Variants in GLIPR1L1 observed in about 807,000 individuals in gnomAD.
GLIPR1L1 encodes GLIPR1-like protein 1.
In GLIPR1L1, 26 loss-of-function variants were observed where a neutral mutation model predicts 29.9. The observed-to-expected ratio is 0.87, with a 90% confidence interval of 0.64 to 1.21. GLIPR1L1 has a LOEUF of 1.21. GLIPR1L1 is among the 50% of genes most tolerant of loss of function. GLIPR1L1 has a pLI of 0.00. For missense variants in GLIPR1L1, 305 were observed against 290.3 expected (o/e 1.05, Z -0.37); for synonymous variants, 77 against 97.5 (o/e 0.79, Z 1.24).
At chr12:75,348,362 A>G (rs180753644) in intron 3 of GLIPR1L1, among the ~76,000 whole-genome samples, 1 of 152,346 alleles carries the variant, frequency 6.6e-6, no homozygotes, top group East Asian at 1.9e-4. Context: ...AGGAGCTGAG[A>G]TATGCCAAAA....
chr12:75,345,438 G>A (rs1485125009), intron 2 of GLIPR1L1, among the ~76,000 whole-genome samples: 1 of 151,926 alleles, frequency 6.6e-6, no homozygotes, highest in East Asian at 1.9e-4. Context: ...TGAGCCCCTA[G>A]GAAAGCCTGT....
At chr12:75,351,641 G>C (rs146508437) in intron 3 of GLIPR1L1, among the ~76,000 whole-genome samples, 307 of 151,658 alleles carry the variant, frequency 2.0e-3, no homozygotes, top group East Asian at 5.0e-3. Flanking sequence ...CCACCTCCCA[G>C]GTTCAAGTGA....
intron 4 of GLIPR1L1, 100 bp from the exon 5 acceptor site, chr12:75,369,860 T>C: frequency 7.5e-7 from 1 of 1,333,676 alleles, no homozygotes; most frequent in Non-Finnish European, 9.6e-7. Context: ...CAAACTAATT[T>C]TTGTTAGTTG....
At chr12:75,360,926 A>G (rs908193664) in intron 3 of GLIPR1L1, 9 of 152,284 alleles carry the variant, frequency 5.9e-5, no homozygotes, top group Admixed American at 5.9e-4. Context: ...CTGTGTACCC[A>G]CAGGCCCAAC....
chr12:75,358,131 G>A (rs1054778260), intron 3 of GLIPR1L1, among the ~76,000 whole-genome samples: 1 of 151,302 alleles, frequency 6.6e-6, no homozygotes, highest in Non-Finnish European at 1.5e-5. Flanking sequence ...AAAATAATAT[G>A]AGAACATAGG....
chr12:75,366,530 GC>G (rs2043972822), intron 4 of GLIPR1L1, among the ~76,000 whole-genome samples: 2 of 152,102 alleles, frequency 1.3e-5, no homozygotes, highest in African/African-American at 4.8e-5. Flanking sequence ...AACCTGGCAT[GC>G]CCTCAAACTT....
chr12:75,348,396 G>A (rs2139406103), intron 3 of GLIPR1L1, among the ~76,000 whole-genome samples: 1 of 152,300 alleles, frequency 6.6e-6, no homozygotes, highest in African/African-American at 2.4e-5. Flanking sequence ...GCAGAAATGT[G>A]TATATATCTC....
chr12:75,342,220 C>T (rs2042169402), intron 1 of GLIPR1L1, among the ~76,000 whole-genome samples: 1 of 152,068 alleles, frequency 6.6e-6, no homozygotes, highest in Non-Finnish European at 1.5e-5. Flanking sequence ...GTGATTACTT[C>T]AATTTATACA....
intron 1 of GLIPR1L1, among the ~76,000 whole-genome samples, chr12:75,342,001 C>A (rs978760169): frequency 3.3e-5 from 5 of 152,102 alleles, no homozygotes; most frequent in Admixed American, 3.3e-4. Context: ...CCTTGGCCTC[C>A]CAAAGTGCTG....
chr12:75,339,150 T>C (rs549796299), intron 1 of GLIPR1L1, among the ~76,000 whole-genome samples: 1 of 152,360 alleles, frequency 6.6e-6, no homozygotes, highest in Admixed American at 6.5e-5. Context: ...ATGGTATTTC[T>C]GACTCTAGAT....
chr12:75,359,670 T>C (rs764597780), intron 3 of GLIPR1L1, among the ~76,000 whole-genome samples: 22 of 152,056 alleles, frequency 1.4e-4, no homozygotes, highest in Admixed American at 3.3e-4. Flanking sequence ...AGATCAGAAA[T>C]AGACTCACAC....
chr12:75,367,188 T>C (rs2044027836), intron 4 of GLIPR1L1, among the ~76,000 whole-genome samples: 1 of 150,560 alleles, frequency 6.6e-6, no homozygotes, highest in African/African-American at 2.4e-5. Flanking sequence ...TCCTTGGCTT[T>C]AGAAAATGGC....
intron 2 of GLIPR1L1, among the ~76,000 whole-genome samples, chr12:75,346,403 T>C (rs1046302835): frequency 1.3e-5 from 2 of 152,164 alleles, no homozygotes; most frequent in Admixed American, 6.5e-5. Flanking sequence ...CTCTTTTTTT[T>C]TTTTTGAGAC....
At chr12:75,355,291 A>G (rs1313366329) in intron 3 of GLIPR1L1, among the ~76,000 whole-genome samples, 2 of 151,628 alleles carry the variant, frequency 1.3e-5, no homozygotes, top group East Asian at 3.9e-4. Context: ...AAAACAAAAA[A>G]TCATTCAAAA....
At chr12:75,346,376 G>A (rs978545866) in intron 2 of GLIPR1L1, among the ~76,000 whole-genome samples, 1 of 152,002 alleles carries the variant, frequency 6.6e-6, no homozygotes, top group Non-Finnish European at 1.5e-5. Context: ...AAACCACAAA[G>A]ATGGCTGAAA....
Position 75,334,805 on chromosome 12 carries a change from C to T in GLIPR1L1, c.77C>T (p.Pro26Leu), listed in dbSNP as rs371527041. 1.2e-6 allele frequency: 2 copies of T among 1,613,980 alleles called. No homozygotes were observed. The highest frequency in any genetic ancestry group is 2.7e-5 in the African/African-American group (2 of 74,906). ...CLVATTSSKI[P>L]SITDPHFIDN... Reference sequence around the variant, plus strand: ...GTAGCCACTACATCTTCCAAAATCCCATCCATCACTGACCCACACTTTATA... The same window carrying T: ...GTAGCCACTACATCTTCCAAAATCCTATCCATCACTGACCCACACTTTATA... The change falls in exon 1 of 6, where the codon CCA becomes CTA. Residue 26 changes from proline (P) to leucine (L), a missense_variant. Coordinates refer to ENST00000378695, the MANE Select transcript of GLIPR1L1 (RefSeq NM_001304964.2).
At chr12:75,355,567 T>C (rs2043102146) in intron 3 of GLIPR1L1, among the ~76,000 whole-genome samples, 1 of 152,202 alleles carries the variant, frequency 6.6e-6, no homozygotes, top group South Asian at 2.1e-4. Context: ...GAAGACACTA[T>C]GGTAATTCCT....
chr12:75,349,535 T>C (rs899234904), intron 3 of GLIPR1L1, among the ~76,000 whole-genome samples: 2 of 152,144 alleles, frequency 1.3e-5, no homozygotes, highest in African/African-American at 4.8e-5. Flanking sequence ...AATGCAGAAC[T>C]TACACAGATG....
chr12:75,353,914 C>T (rs997838999), intron 3 of GLIPR1L1, among the ~76,000 whole-genome samples: 1 of 151,978 alleles, frequency 6.6e-6, no homozygotes, highest in African/African-American at 2.4e-5. Context: ...CAATAGATGC[C>T]AAAAGGCCTT....
Sources: gnomAD v4.1 joint callset for allele counts (sites outside exome capture counted in the v4.1 genomes callset) on GRCh38, gnomAD v4.1.1 for gene constraint, MANE v1.5 for transcripts, NCBI Gene and HGNC (gene_info 2026-07-23, HGNC 2026-07-21) for gene names.